Variants in OXTR observed in about 807,000 individuals in gnomAD.
OXTR encodes the protein oxytocin receptor.
In OXTR, 19 loss-of-function variants were observed where a neutral mutation model predicts 23.9. That is an observed-to-expected ratio of 0.80 (90% CI 0.56 to 1.17). The LOEUF is 1.17. Ranked by LOEUF, OXTR falls within the 50% of genes most tolerant of loss-of-function variation. OXTR has a pLI of 0.00. For synonymous variants in OXTR, 278 were observed against 250.5 expected, an observed-to-expected ratio of 1.11 and a Z score of -1.04; for missense variants, 500 against 550.7, an observed-to-expected ratio of 0.91 and a Z score of 0.92.
intron 3 of OXTR, among the ~76,000 whole-genome samples, chr3:8,764,776 C>A (rs1708568277): frequency 6.6e-6 from 1 of 152,210 alleles, no homozygotes. Context: ...TGGGCTCCTG[C>A]TCCTGGCTGT....
At chr3:8,745,677 G>A (rs1575477762), downstream of OXTR, 1 of 1,614,166 alleles carries the variant, frequency 6.2e-7, no homozygotes, top group Non-Finnish European at 8.5e-7. The surrounding 1 kb of genome is among the most constrained non-coding windows in gnomAD (Gnocchi z 4.8). Flanking sequence ...CTGCTCTGGG[G>A]CTTCCTGTTC....
Position 8,762,666 on chromosome 3 carries a change from G to A in OXTR, c.922+4600C>T, listed in dbSNP as rs75943879. 7.0e-3 allele frequency among the ~76,000 whole-genome samples: 1,061 copies of A among 152,344 alleles called. 8 individuals are homozygous for A. Among genetic ancestry groups the A allele is most frequent in the African/African-American group, 0.024 (990 of 41,576 alleles). On this transcript the variant is annotated intron_variant, in intron 3 of 3. Transcript: ENST00000316793. ...CACAGCATTCATGGAAAGGAAAGGT[G>A]TACGGGACATGCCCGAGGATCCTCA...
the OXTR span, among the ~76,000 whole-genome samples, chr3:8,743,456 T>C: frequency 2.6e-5 from 4 of 152,130 alleles, no homozygotes; most frequent in Admixed American, 1.3e-4. Flanking sequence ...CCTGAGAAGA[T>C]GAGGCCCATT....
At chr3:8,755,619 T>C (rs970765952) in intron 3 of OXTR, among the ~76,000 whole-genome samples, 1 of 152,238 alleles carries the variant, frequency 6.6e-6, no homozygotes, top group Non-Finnish European at 1.5e-5. Context: ...CCAGTGCCTC[T>C]GATCCCACCT....
rs934137385 is a variant in OXTR at position 8,759,789 on chromosome 3, G to A, written c.923-6565C>T. 4.2e-4 allele frequency among the ~76,000 whole-genome samples: 64 copies of A among 152,302 alleles called. 1 individual carries two copies. Among genetic ancestry groups the A allele is most frequent in the Middle Eastern group, 6.8e-3 (2 of 294 alleles). On this transcript the variant is annotated intron_variant, in intron 3 of 3. Coordinates refer to ENST00000316793, the MANE Select transcript of OXTR (RefSeq NM_000916.4). ...TAAAGGGCAGGAAGCCTTAGCTCCC[G>A]GCTGAGCACAAAAGGAGATACTGGC...
chr3:8,767,624 C>A lies in OXTR; in HGVS notation c.564G>T (p.Trp188Cys), dbSNP rs373458355. Residue 188 changes from tryptophan (W) to cysteine (C), a missense_variant, in exon 3 of 4, where the codon TGG becomes TGT. Physicochemically the swap from Trp to Cys is radical, Grantham distance 215. Transcript: ENST00000316793. Reference sequence around the variant, plus strand: ...GTCCCCAGGGCTGGATGAAGACGGCCCAGCAGTCGAAGACGCCGTCAGCCA... The same window carrying A: ...GTCCCCAGGGCTGGATGAAGACGGCACAGCAGTCGAAGACGCCGTCAGCCA... ...REVADGVFDC[W>C]AVFIQPWGPK... 2.5e-6 allele frequency: 4 copies of A among 1,613,154 alleles called. No homozygotes were observed. The highest frequency in any genetic ancestry group is 3.4e-6 in the Non-Finnish European group (4 of 1,179,724).
At chr3:8,744,445 A>ATTTTTTTTTT in the OXTR span, among the ~76,000 whole-genome samples, 255 of 111,382 alleles carry the variant, frequency 2.3e-3, no homozygotes, top group East Asian at 4.1e-3. Flanking sequence ...TACCCGGCTA[A>ATTTTTTTTTT]TTTTTTTTTT....
Position 8,767,246 on chromosome 3 carries a change from G to T in OXTR, c.922+20C>A. On this transcript the variant is annotated intron_variant, in intron 3 of 3. Coordinates refer to ENST00000316793, the MANE Select transcript of OXTR (RefSeq NM_000916.4). Reference sequence around the variant, plus strand: ...CCAGCCACCAGGCTCCCTCCTCCTGGGTCTCCCAGCCCTGGCTACCTTCCT... The same window carrying T: ...CCAGCCACCAGGCTCCCTCCTCCTGTGTCTCCCAGCCCTGGCTACCTTCCT... 1 of 1,517,070 alleles carries T rather than the reference G, an allele frequency of 6.6e-7. No individual in the cohort carries two copies. The allele number at this position is 1,517,070 out of a possible 1,614,324, so 94.0% of individuals were successfully genotyped here.
chr3:8,745,806 T>C (rs1708142266), downstream of OXTR: 1 of 1,613,768 alleles, frequency 6.2e-7, no homozygotes, highest in African/African-American at 1.3e-5. This position sits in a 1 kb window ranked among gnomAD's most constrained non-coding sequence, Gnocchi z 4.8. Context: ...TGCAACCCAC[T>C]CTTCGCGGCC....
chr3:8,748,059 T>C (rs1298720727), downstream of OXTR, among the ~76,000 whole-genome samples: 13 of 152,186 alleles, frequency 8.5e-5, no homozygotes, highest in Non-Finnish European at 1.5e-5. Flanking sequence ...GGGGTTATGA[T>C]GAGAATGGGC....
downstream of OXTR, chr3:8,745,773 A>G (rs746857284): frequency 5.0e-6 from 8 of 1,613,806 alleles, no homozygotes. This position sits in a 1 kb window ranked among gnomAD's most constrained non-coding sequence, Gnocchi z 4.8. Flanking sequence ...AGCCACATCT[A>G]CTCACTCTGC....
intron 3 of OXTR, among the ~76,000 whole-genome samples, chr3:8,755,083 A>G (rs1708345927): frequency 6.6e-6 from 1 of 152,234 alleles, no homozygotes; most frequent in South Asian, 2.1e-4. Flanking sequence ...TAAGTTTAGA[A>G]ACTCTGATGG....
intron 3 of OXTR, among the ~76,000 whole-genome samples, chr3:8,760,806 G>A (rs183138058): frequency 3.9e-5 from 6 of 152,334 alleles, no homozygotes; most frequent in Admixed American, 2.6e-4. Flanking sequence ...ATAGGAACTT[G>A]TGGAAAGCGG....
rs116502929 is a variant in OXTR at position 8,761,223 on chromosome 3, G to A, written c.922+6043C>T. On this transcript the variant is annotated intron_variant, in intron 3 of 3. Coordinates refer to ENST00000316793, the MANE Select transcript of OXTR (RefSeq NM_000916.4). ...AACAAAGTGCCAACCTGAGGCATGT[G>A]GTACAGCTGAGATTATAGAACTGGT... Among the ~76,000 whole-genome samples the A allele has an allele frequency of 7.2e-3, 1,091 of 152,336 alleles. 19 individuals are homozygous for A. The highest frequency in any genetic ancestry group is 0.025 in the African/African-American group (1,037 of 41,556).
chr3:8,748,046 A>T (rs1319068710), downstream of OXTR, among the ~76,000 whole-genome samples: 2 of 152,124 alleles, frequency 1.3e-5, no homozygotes, highest in Non-Finnish European at 2.9e-5. Flanking sequence ...AGAAAATCAC[A>T]TTGGGGTTAT....
chr3:8,767,823 C>T lies in OXTR; in HGVS notation c.365G>A (p.Gly122Asp), dbSNP rs747441975. 8 of 1,611,076 alleles carry T rather than the reference C, an allele frequency of 5.0e-6. No homozygotes were observed. Among genetic ancestry groups the T allele is most frequent in the Non-Finnish European group, 6.8e-6 (8 of 1,178,672 alleles). The change falls in exon 3 of 4, where the codon GGC becomes GAC. Residue 122 changes from glycine to aspartate, a missense_variant. By Grantham distance (94) the Gly-to-Asp change is moderately conservative. Transcript: ENST00000316793. ...CAGCAGGTAGGTGGAGGCGAACATG[C>T]CCACCACCTGCAAGTACTTGACCAG... ...CRLVKYLQVV[G>D]MFASTYLLLL...
chr3:8,749,142 C>A (rs1030340551), downstream of OXTR, among the ~76,000 whole-genome samples: 1 of 152,056 alleles, frequency 6.6e-6, no homozygotes, highest in Admixed American at 6.6e-5. Flanking sequence ...TTCTTCTAGG[C>A]TTTAGTTGGG....
At chr3:8,762,778 C>T (rs548419124) in intron 3 of OXTR, among the ~76,000 whole-genome samples, 153 of 152,334 alleles carry the variant, frequency 1.0e-3, no homozygotes, top group African/African-American at 3.5e-3. Flanking sequence ...TGTCAGCCTT[C>T]CTCCCAGTCC....
the OXTR span, chr3:8,742,422 T>C: frequency 8.5e-5 from 35 of 414,018 alleles, no homozygotes; most frequent in Admixed American, 6.1e-4. Flanking sequence ...ACAGAAGCCA[T>C]TGGCGGTAGG....
Sources: gnomAD v4.1 joint callset for allele counts (sites outside exome capture counted in the v4.1 genomes callset) on GRCh38, gnomAD v4.1.1 for gene constraint, Gnocchi (gnomAD v3.1) non-coding constraint, MANE v1.5 for transcripts, NCBI Gene and HGNC (gene_info 2026-07-23, HGNC 2026-07-21) for gene names.